Variants in GAL3ST2 observed in about 807,000 individuals in gnomAD.
GAL3ST2 encodes galactose-3-O-sulfotransferase 2, also known as beta-galactose-3-O-sulfotransferase 2.
A neutral mutation model predicts 12.9 loss-of-function variants in GAL3ST2; 16 were observed. The observed-to-expected ratio is 1.24, with a 90% CI of 0.84 to 1.88. The LOEUF (loss-of-function observed/expected upper bound fraction) is 1.88. Among genes scored for constraint, GAL3ST2 ranks in the 40% most tolerant of loss-of-function variants. The pLI, the probability that GAL3ST2 is intolerant of heterozygous loss-of-function variation, is 0.00. For synonymous variants in GAL3ST2, 302 were observed against 273.9 expected, an observed-to-expected ratio of 1.10 and a Z score of -1.01; for missense variants, 639 against 571.8, an observed-to-expected ratio of 1.12 and a Z score of -1.20.
In GAL3ST2 at chr2:241,801,624, C is replaced by T; in HGVS notation, c.120-157C>T. The T allele has an allele frequency of 3.3e-6, 3 of 904,354 alleles. No individual in the cohort carries two copies. The highest frequency in any genetic ancestry group is 3.3e-6 in the Non-Finnish European group (2 of 613,052). 56.0% of individuals were successfully genotyped at this position (904,354 alleles called of 1,614,324 possible). On this transcript the variant is annotated intron_variant, in intron 2 of 3. Coordinates refer to ENST00000192314, the MANE Select transcript of GAL3ST2 (RefSeq NM_022134.3). The surrounding 1 kb of genome is among the most constrained non-coding windows in gnomAD (Gnocchi z 4.4). ...TTGTGGAGTGGGGCAAGGATTGGGG[C>T]CATGGGTCGGTGCCTACCCAGTTGG...
At position 241,782,449 on chromosome 2, in the gene GAL3ST2, C is replaced by T. The variant is rs185361502; in HGVS notation, c.29+5465C>T. Among the ~76,000 whole-genome samples the T allele has an allele frequency of 6.6e-5, 10 of 152,256 alleles. No homozygotes were observed. The East Asian group carries it at 1.3e-3, about 21-fold the overall frequency. ...CAAGCTATTCTCCTGCATCAGCCTCCGGAGTAGCTGGGATTACAGGCACTC... is the reference window on the plus strand; with the variant it reads ...CAAGCTATTCTCCTGCATCAGCCTCTGGAGTAGCTGGGATTACAGGCACTC... On this transcript the variant is annotated intron_variant, in intron 1 of 3. Coordinates refer to ENST00000192314, the MANE Select transcript of GAL3ST2 (RefSeq NM_022134.3).
chr2:241,803,869 G>C lies in GAL3ST2; in HGVS notation c.900G>C (p.Pro300=). ...CGCAGCTGCGCGCCGAGCTGGGGCC[G>C]CGGCGGCTGCGCGGGGAGGTGGAGC... ...LWAQLRAELG[P]RRLRGEVERL... Residue 300 remains proline (P), a synonymous_variant, in exon 4 of 4, where the codon CCG becomes CCC. Coordinates refer to ENST00000192314, the MANE Select transcript of GAL3ST2 (RefSeq NM_022134.3). The C allele has an allele frequency of 7.0e-7, 1 of 1,423,872 alleles. No individual in the cohort carries two copies. Among genetic ancestry groups the C allele is most frequent in the Non-Finnish European group, 9.1e-7 (1 of 1,098,712 alleles). The allele number at this position is 1,423,872 out of a possible 1,614,324, so 88.2% of individuals were successfully genotyped here.
intron 1 of GAL3ST2, 90 bp from the exon 2 acceptor site, chr2:241,798,975 G>T (rs889123005): frequency 8.7e-5 from 89 of 1,021,248 alleles, no homozygotes; most frequent in Non-Finnish European, 1.3e-4. Context: ...GACCTGTGTG[G>T]CCCAAGGCCT....
intron 1 of GAL3ST2, 152 bp downstream of exon 1, chr2:241,777,136 C>T (rs898991826): frequency 1.4e-6 from 1 of 714,758 alleles, no homozygotes; most frequent in Non-Finnish European, 2.0e-6. Context: ...ATTCACCTGT[C>T]TTGGCTTCGT....
rs1699901207 is a variant in GAL3ST2, at chr2:241,804,115, C to T, written c.1146C>T (p.Ala382=). The part of the protein sequence containing the change: ...PELQYMARLY[A]LQFPEKPLKN... ...TCCAGTACATGGCCCGCCTGTACGC[C>T]CTGCAGTTCCCGGAGAAGCCCCTCA... is the stretch of plus-strand genomic sequence containing the variant. The change falls in exon 4 of 4, where the codon GCC becomes GCT. Residue 382 remains alanine (A), a synonymous_variant. Coordinates refer to ENST00000192314, the MANE Select transcript of GAL3ST2 (RefSeq NM_022134.3). The T allele has an allele frequency of 1.3e-6, 2 of 1,503,240 alleles. No individual in the cohort carries two copies. The highest frequency in any genetic ancestry group is 1.4e-5 in the African/African-American group (1 of 69,574). The allele number at this position is 1,503,240 out of a possible 1,614,324, so 93.1% of individuals were successfully genotyped here.
At chr2:241,794,553 C>A (rs1466368601) in intron 1 of GAL3ST2, among the ~76,000 whole-genome samples, 1 of 152,228 alleles carries the variant, frequency 6.6e-6, no homozygotes, top group Non-Finnish European at 1.5e-5. Context: ...TCAGCCCCAC[C>A]AACCTGCCCA....
intron 1 of GAL3ST2, among the ~76,000 whole-genome samples, chr2:241,784,082 G>A (rs886260666): frequency 6.8e-6 from 1 of 147,386 alleles, no homozygotes; most frequent in Non-Finnish European, 1.5e-5. Flanking sequence ...TGCCCAGGCT[G>A]GAGTGCAGTG....
At chr2:241,784,112 C>A (rs1165506735) in intron 1 of GAL3ST2, among the ~76,000 whole-genome samples, 3 of 151,484 alleles carry the variant, frequency 2.0e-5, no homozygotes, top group South Asian at 4.2e-4. Flanking sequence ...CAGCTCACTG[C>A]AACCTCCGTC....
intron 1 of GAL3ST2, among the ~76,000 whole-genome samples, chr2:241,794,256 T>C (rs1486666513): frequency 6.6e-6 from 1 of 152,158 alleles, no homozygotes; most frequent in South Asian, 2.1e-4. Flanking sequence ...CCAAGACTTT[T>C]ATTACCCCTC....
chr2:241,779,246 T>C (rs1187405839), intron 1 of GAL3ST2, among the ~76,000 whole-genome samples: 1 of 122,890 alleles, frequency 8.1e-6, no homozygotes, highest in African/African-American at 3.4e-5. Context: ...TTTTTTTTTT[T>C]TTTTTGAGAC....
intron 1 of GAL3ST2, among the ~76,000 whole-genome samples, chr2:241,783,876 T>C (rs1273416751): frequency 3.9e-5 from 6 of 152,220 alleles, no homozygotes; most frequent in Non-Finnish European, 7.3e-5. Flanking sequence ...ACTTAGTTTA[T>C]AGTTTAGTTT....
chr2:241,803,231 G>C, intron 3 of GAL3ST2, 114 bp from the exon 4 acceptor site: 1 of 834,446 alleles, frequency 1.2e-6, no homozygotes, highest in African/African-American at 1.7e-5. Context: ...CTCGGCAGAT[G>C]TGAGGATGGG....
At chr2:241,796,719 G>A (rs1451709235) in intron 1 of GAL3ST2, among the ~76,000 whole-genome samples, 1 of 152,170 alleles carries the variant, frequency 6.6e-6, no homozygotes, top group African/African-American at 2.4e-5. Flanking sequence ...GGCTGGGGTC[G>A]GGGGAGACAG....
At position 241,800,700 on chromosome 2, in the gene GAL3ST2, G is replaced by T. The variant is rs1015238278; in HGVS notation, c.120-1081G>T. On this transcript the variant is annotated intron_variant, in intron 2 of 3. Transcript: ENST00000192314. The surrounding 1 kb of genome is among the most constrained non-coding windows in gnomAD (Gnocchi z 5.2). ...CTTGTCCGATGGCAGCTGTGGTTCT[G>T]GCTGGGGGAGCAGGGGTCAGCGAGG... is the stretch of plus-strand genomic sequence containing the variant. Among the ~76,000 whole-genome samples the T allele has an allele frequency of 3.9e-5, 6 of 152,242 alleles. No individual in the cohort carries two copies. Among genetic ancestry groups the T allele is most frequent in the African/African-American group, 1.4e-4 (6 of 41,466 alleles).
rs530690921 is a variant in GAL3ST2 at position 241,791,037 on chromosome 2, C to G, written c.30-8028C>G. Among the ~76,000 whole-genome samples, 9 of 152,286 alleles carry G rather than the reference C, an allele frequency of 5.9e-5. No homozygotes were observed. The South Asian group carries it at 1.9e-3, about 32-fold the overall frequency. Reference sequence around the variant, plus strand: ...TTTGATTTGTCCCACCTTTCTCAATCAAAACAATGTATTTCTTAAATGTAT... The same window carrying G: ...TTTGATTTGTCCCACCTTTCTCAATGAAAACAATGTATTTCTTAAATGTAT... On this transcript the variant is annotated intron_variant, in intron 1 of 3. Coordinates refer to ENST00000192314, the MANE Select transcript of GAL3ST2 (RefSeq NM_022134.3).
intron 1 of GAL3ST2, among the ~76,000 whole-genome samples, chr2:241,782,305 A>AT (rs1553615569): frequency 1.3e-5 from 2 of 151,900 alleles, no homozygotes; most frequent in Non-Finnish European, 2.9e-5. Context: ...AGATAGCTTT[A>AT]TTTATTTTAT....
Position 241,801,781 on chromosome 2 carries a change from C to A in GAL3ST2, c.120C>A (p.Pro40=), listed in dbSNP as rs1335280361. The part of the protein sequence containing the change: ...FLHSDLELDT[P]LFGGQAEGPP... ...AGGCTGCGTGTGCCTTCCCTCCCAG[C>A]CTGTTTGGGGGCCAGGCTGAGGGGC... The change falls in exon 3 of 4, where the codon CCC becomes CCA. Residue 40 remains proline, a splice_region_variant and synonymous_variant. Transcript: ENST00000192314. The surrounding 1 kb of genome is among the most constrained non-coding windows in gnomAD (Gnocchi z 4.4). 1.2e-6 allele frequency: 2 copies of A among 1,612,038 alleles called. No individual in the cohort carries two copies. Among genetic ancestry groups the A allele is most frequent in the South Asian group, 1.1e-5 (1 of 91,018 alleles).
rs747297632 is a variant in GAL3ST2, at chr2:241,803,539, G to GAAC, written c.575_577dup (p.Asn192dup). 9 of 1,609,802 alleles carry GAAC rather than the reference G, an allele frequency of 5.6e-6. No homozygotes were observed. The highest frequency in any genetic ancestry group is 1.3e-5 in the African/African-American group (1 of 74,994). The stretch of plus-strand genomic sequence containing the variant: ...GCCACCTCAGGAACGTCTACGCCAA[G>GAAC]AACAACATGTGGTTCGACTTCGGCT... On this transcript the variant is annotated inframe_insertion, in exon 4 of 4. Transcript: ENST00000192314.
At position 241,776,827 on chromosome 2, in the gene GAL3ST2, A is replaced by G; in HGVS notation, c.-129A>G. ...GGTGAGCTTCTGGGGATTCCAGTTC[A>G]CCTGCCCCACAGCCGCACCCTGCCT... On this transcript the variant is annotated 5_prime_UTR_variant, in exon 1 of 4. Coordinates refer to ENST00000192314, the MANE Select transcript of GAL3ST2 (RefSeq NM_022134.3). The G allele has an allele frequency of 1.5e-6, 1 of 687,488 alleles. No homozygotes were observed. The highest frequency in any genetic ancestry group is 2.1e-6 in the Non-Finnish European group (1 of 469,948). 42.6% of individuals were successfully genotyped at this position (687,488 alleles called of 1,614,324 possible).
Sources: allele counts gnomAD v4.1 joint callset (sites outside exome capture counted in the v4.1 genomes callset), GRCh38; gene constraint gnomAD v4.1.1; non-coding constraint Gnocchi (gnomAD v3.1); transcripts MANE v1.5; gene names NCBI Gene and HGNC (gene_info 2026-07-23, HGNC 2026-07-21).